The following TIAM2 variants were observed in gnomAD, a reference collection of about 807,000 sequenced individuals.
TIAM2 encodes rho guanine nucleotide exchange factor TIAM2.
A neutral mutation model predicts 152.9 loss-of-function variants in TIAM2; 80 were observed. The observed-to-expected ratio is 0.52, with a 90% CI of 0.44 to 0.63. The LOEUF (loss-of-function observed/expected upper bound fraction) is 0.63. Among genes scored for constraint, TIAM2 ranks in the 30% least tolerant of loss-of-function variants. The pLI is 0.00. For missense variants in TIAM2, 1,965 were observed against 2,120.1 expected (o/e 0.93, Z 1.44); for synonymous variants, 804 against 838.0 (o/e 0.96, Z 0.70).
rs186346408 is a variant in TIAM2 at position 155,249,043 on chromosome 6, T to A, written c.3833-808T>A. 2.0e-5 allele frequency among the ~76,000 whole-genome samples: 3 copies of A among 152,334 alleles called. No homozygotes were observed. The East Asian group carries it at 5.8e-4, about 29-fold the overall frequency. On this transcript the variant is annotated intron_variant, in intron 20 of 26. Transcript: ENST00000682666. ...TAAATAATACAAATTATGTTCAGCA[T>A]TCATACTATGTAAAAACTTCATTTT... is the stretch of plus-strand genomic sequence containing the variant.
In TIAM2 at chr6:155,165,839, G is replaced by A. The variant is rs865805230; in HGVS notation, c.2361+430G>A. Among the ~76,000 whole-genome samples, 72 of 147,592 alleles carry A rather than the reference G, an allele frequency of 4.9e-4. No individual in the cohort carries two copies. In the Middle Eastern group the frequency reaches 0.01, roughly 22 times the overall value. ...ATTCAAAGGAATCAACTCTTAGCATGCACTTTTTTTTTTAACCCAACGAAA... is the reference window on the plus strand; with the variant it reads ...ATTCAAAGGAATCAACTCTTAGCATACACTTTTTTTTTTAACCCAACGAAA... On this transcript the variant is annotated intron_variant, in intron 9 of 26. Coordinates refer to ENST00000682666, the MANE Select transcript of TIAM2 (RefSeq NM_012454.4).
chr6:155,207,346 G>A (rs1583249729), intron 14 of TIAM2, among the ~76,000 whole-genome samples: 1 of 152,358 alleles, frequency 6.6e-6, no homozygotes, highest in East Asian at 1.9e-4. Flanking sequence ...TGAAATTGGA[G>A]GCTCCCAGAG....
intron 1 of TIAM2, chr6:155,005,095 G>A: frequency 1.0e-5 from 3 of 300,276 alleles, no homozygotes; most frequent in Non-Finnish European, 1.3e-5. Context: ...GATGGTAATG[G>A]AGGTCAGGTT....
intron 1 of TIAM2, among the ~76,000 whole-genome samples, chr6:155,019,367 C>G (rs1776417694): frequency 6.6e-6 from 1 of 151,876 alleles, no homozygotes; most frequent in Admixed American, 6.6e-5. Flanking sequence ...AAAAAGGATC[C>G]AAATTAGTAG....
chr6:155,078,916 G>C (rs1412350144), intron 1 of TIAM2, among the ~76,000 whole-genome samples: 2 of 152,016 alleles, frequency 1.3e-5, no homozygotes, highest in African/African-American at 4.8e-5. Context: ...AGTTTGACTT[G>C]ATGATCTTAG....
chr6:155,220,643 C>CT (rs1266621187), intron 15 of TIAM2, among the ~76,000 whole-genome samples: 297 of 151,238 alleles, frequency 2.0e-3, no homozygotes, highest in African/African-American at 6.8e-3. Context: ...TTCCCAGCCT[C>CT]TTTTTTTTTG....
At chr6:155,147,782 G>A (rs1779851136) in intron 6 of TIAM2, among the ~76,000 whole-genome samples, 2 of 152,328 alleles carry the variant, frequency 1.3e-5, no homozygotes, top group African/African-American at 4.8e-5. Context: ...ACCGTGCCTG[G>A]CCAAGCATCC....
rs544803914 is a variant in TIAM2, at chr6:155,244,819, C to T, written c.3543+36C>T. 99 of 1,578,068 alleles carry T rather than the reference C, an allele frequency of 6.3e-5. 1 individual carries two copies. In the East Asian group the frequency reaches 1.1e-3, roughly 18 times the overall value. On this transcript the variant is annotated intron_variant, in intron 18 of 26. Transcript: ENST00000682666. Reference sequence around the variant, plus strand: ...CAGATTTAGGCTTAAAGTAAAAATACGTGGCTATGGTACGTATTTCTCTCA... The same window carrying T: ...CAGATTTAGGCTTAAAGTAAAAATATGTGGCTATGGTACGTATTTCTCTCA...
At position 155,028,477 on chromosome 6, in the gene TIAM2, C is replaced by CATATACTACATATATATACTGTGTTACAT. The variant is rs1562294343; in HGVS notation, c.-209+33000_-209+33028dup. On this transcript the variant is annotated intron_variant, in intron 1 of 26. Transcript: ENST00000682666. ...TACATATAATATATATACTGTGTTA[C>CATATACTACATATATATACTGTGTTACAT]ATATACTACATATATATACTGTGTT... Among the ~76,000 whole-genome samples the CATATACTACATATATATACTGTGTTACAT allele has an allele frequency of 7.5e-5, 9 of 120,638 alleles. 1 individual carries two copies. Among genetic ancestry groups the CATATACTACATATATATACTGTGTTACAT allele is most frequent in the Admixed American group, 2.7e-4 (3 of 10,942 alleles). The allele number at this position is 120,638 out of a possible 152,430, so 79.1% of individuals were successfully genotyped here.
intron 1 of TIAM2, among the ~76,000 whole-genome samples, chr6:155,021,806 C>T (rs1776499529): frequency 6.6e-6 from 1 of 152,174 alleles, no homozygotes; most frequent in South Asian, 2.1e-4. Flanking sequence ...ACTCAAATCT[C>T]CCTGCTTTCC....
At chr6:155,154,943 G>C (rs2115079306) in intron 7 of TIAM2, among the ~76,000 whole-genome samples, 1 of 152,318 alleles carries the variant, frequency 6.6e-6, no homozygotes, top group South Asian at 2.1e-4. Context: ...ACAAGGCTTT[G>C]AGGAAAATAC....
intron 9 of TIAM2, among the ~76,000 whole-genome samples, chr6:155,167,332 G>A (rs773567580): frequency 1.1e-4 from 16 of 151,744 alleles, no homozygotes; most frequent in Non-Finnish European, 1.5e-4. Context: ...AGCAATTCTC[G>A]TGCCTCAGCC....
rs954855639 is a variant in TIAM2, at chr6:155,137,202, A to G, written c.1220A>G (p.Asp407Gly). ...GAGCCGAGGTCCAAGGAGGGCAGTGACTACTTTGACAGTCGCTCTGATGGA... is the reference window on the plus strand; with the variant it reads ...GAGCCGAGGTCCAAGGAGGGCAGTGGCTACTTTGACAGTCGCTCTGATGGA... Reference protein sequence around the residue: ...LQEPRSKEGSDYFDSRSDGLN... With the variant: ...LQEPRSKEGSGYFDSRSDGLN... Residue 407 changes from aspartate to glycine, a missense_variant, in exon 5 of 27, where the codon GAC (aspartate) becomes GGC (glycine). Coordinates refer to ENST00000682666, the MANE Select transcript of TIAM2 (RefSeq NM_012454.4). 6.2e-7 allele frequency: 1 copy of G among 1,613,460 alleles called. No individual in the cohort carries two copies. Among genetic ancestry groups the G allele is most frequent in the Admixed American group, 1.7e-5 (1 of 59,982 alleles).
chr6:155,080,980 C>T (rs564932621), intron 1 of TIAM2, among the ~76,000 whole-genome samples: 1 of 152,280 alleles, frequency 6.6e-6, no homozygotes, highest in East Asian at 1.9e-4. Context: ...CACTCACTTT[C>T]TCAGCTAAGC....
chr6:155,241,787 A>G (rs1275678827), intron 16 of TIAM2, among the ~76,000 whole-genome samples: 1 of 152,200 alleles, frequency 6.6e-6, no homozygotes, highest in African/African-American at 2.4e-5. Context: ...TGAAGTGAAC[A>G]GCCAGGCTGT....
chr6:155,165,473 CT>C, intron 9 of TIAM2, 64 bp downstream of exon 9: 1 of 1,556,116 alleles, frequency 6.4e-7, no homozygotes, highest in Non-Finnish European at 8.7e-7. Flanking sequence ...AATTTTCGGC[CT>C]GCTATGAATC....
chr6:155,177,458 A>C (rs1299467743), intron 10 of TIAM2, among the ~76,000 whole-genome samples: 3 of 152,210 alleles, frequency 2.0e-5, no homozygotes, highest in Non-Finnish European at 4.4e-5. Context: ...ACTGGGTTTC[A>C]TTCCTGATCT....
At chr6:155,207,318 C>T (rs889636218) in intron 14 of TIAM2, among the ~76,000 whole-genome samples, 1 of 152,212 alleles carries the variant, frequency 6.6e-6, no homozygotes, top group African/African-American at 2.4e-5. Context: ...CCTCCTTTTA[C>T]GGGGATACAG....
At chr6:155,209,183 C>T (rs1781661351) in intron 14 of TIAM2, among the ~76,000 whole-genome samples, 1 of 151,914 alleles carries the variant, frequency 6.6e-6, no homozygotes, top group African/African-American at 2.4e-5. Context: ...CTCTGCCTCC[C>T]CCTCCCTCAC....
Sources: allele counts gnomAD v4.1 joint callset (sites outside exome capture counted in the v4.1 genomes callset), GRCh38; gene constraint gnomAD v4.1.1; transcripts MANE v1.5; gene names NCBI Gene and HGNC (gene_info 2026-07-23, HGNC 2026-07-21).